The following DPP6 variants were observed in gnomAD, a reference collection of about 807,000 sequenced individuals.
The protein encoded by DPP6 is A-type potassium channel modulatory protein DPP6.
DPP6 carries 69 observed loss-of-function variants against 122.6 expected under a neutral mutation model. The ratio of observed to expected loss-of-function variants is 0.56; its 90% CI spans 0.46 to 0.69. The LOEUF is 0.69. Among genes scored for constraint, DPP6 ranks in the 30% least tolerant of loss-of-function variants. The probability of loss-of-function intolerance (pLI) is 0.00; values close to 1 mark genes in which losing one functional copy is unlikely to be tolerated. For synonymous variants in DPP6, 418 were observed against 433.1 expected, an observed-to-expected ratio of 0.97 and a Z score of 0.43; for missense variants, 928 against 1,116.9, an observed-to-expected ratio of 0.83 and a Z score of 2.41.
At chr7:154,458,618 A>C (rs371114733) in intron 2 of DPP6, among the ~76,000 whole-genome samples, 1 of 152,316 alleles carries the variant, frequency 6.6e-6, no homozygotes, top group Non-Finnish European at 1.5e-5. Flanking sequence ...GAAGCCATCA[A>C]GTTTGTGGTC....
intron 5 of DPP6, among the ~76,000 whole-genome samples, chr7:154,635,667 T>C (rs528700704): frequency 1.8e-4 from 27 of 152,350 alleles, no homozygotes; most frequent in African/African-American, 5.8e-4. Flanking sequence ...TGTGTGGCTC[T>C]GGCTCAGGGT....
Position 154,759,741 on chromosome 7 carries a change from G to A in DPP6, c.884-9676G>A, listed in dbSNP as rs115556635. On this transcript the variant is annotated intron_variant, in intron 8 of 25. Coordinates refer to ENST00000377770, the MANE Select transcript of DPP6 (RefSeq NM_130797.4). ...GCCCCTCTCTGTGTCCAGCCAGATA[G>A]CGTGTCTCCAATCCATGGGGTTGCA... 8.6e-3 allele frequency among the ~76,000 whole-genome samples: 1,305 copies of A among 152,324 alleles called. 11 individuals are homozygous for A. Among genetic ancestry groups the A allele is most frequent in the African/African-American group, 0.029 (1,217 of 41,566 alleles).
intron 1 of DPP6, among the ~76,000 whole-genome samples, chr7:154,005,090 G>T (rs1797857166): frequency 6.6e-6 from 1 of 152,092 alleles, no homozygotes; most frequent in Non-Finnish European, 1.5e-5. Flanking sequence ...AAAAGTAATG[G>T]TAAGCAAGAT....
chr7:154,217,398 G>T (rs1330692120), intron 1 of DPP6, among the ~76,000 whole-genome samples: 2 of 152,178 alleles, frequency 1.3e-5, no homozygotes, highest in Non-Finnish European at 2.9e-5. Flanking sequence ...GGATGGAACA[G>T]AAACTCAAAT....
At chr7:154,379,029 A>T (rs746189796) in intron 1 of DPP6, among the ~76,000 whole-genome samples, 2 of 152,218 alleles carry the variant, frequency 1.3e-5, no homozygotes. Flanking sequence ...GTGGGAACAC[A>T]GAGCCAAAAC....
intron 4 of DPP6, among the ~76,000 whole-genome samples, chr7:154,543,620 T>G (rs1828905782): frequency 6.6e-6 from 1 of 152,198 alleles, no homozygotes. Context: ...TTGACTAAAT[T>G]TACTAATTCA....
chr7:153,877,228 T>G, the DPP6 span, among the ~76,000 whole-genome samples: 1 of 152,166 alleles, frequency 6.6e-6, no homozygotes, highest in Non-Finnish European at 1.5e-5. Flanking sequence ...TATTTGATTC[T>G]TTTGCAATCA....
intron 1 of DPP6, among the ~76,000 whole-genome samples, chr7:154,154,847 CA>C (rs1796603262): frequency 6.6e-6 from 1 of 152,204 alleles, no homozygotes; most frequent in African/African-American, 2.4e-5. Context: ...GTGTCGAGCT[CA>C]CGAATGGTAA....
At chr7:153,818,261 A>C in the DPP6 span, among the ~76,000 whole-genome samples, 1 of 152,152 alleles carries the variant, frequency 6.6e-6, no homozygotes, top group Non-Finnish European at 1.5e-5. Context: ...AGCATGTGAC[A>C]CTGTGATGGG....
chr7:153,803,502 C>T, the DPP6 span, among the ~76,000 whole-genome samples: 7 of 151,944 alleles, frequency 4.6e-5, no homozygotes, highest in Admixed American at 3.9e-4. Flanking sequence ...TCTTCTCTAG[C>T]CCTTGGACTC....
At chr7:153,855,533 A>T in the DPP6 span, among the ~76,000 whole-genome samples, 1 of 152,134 alleles carries the variant, frequency 6.6e-6, no homozygotes, top group Non-Finnish European at 1.5e-5. Context: ...TCATGCATTA[A>T]TTTTGGAAAT....
intron 1 of DPP6, among the ~76,000 whole-genome samples, chr7:154,150,055 C>G (rs991974706): frequency 2.0e-5 from 3 of 152,212 alleles, no homozygotes; most frequent in African/African-American, 7.2e-5. Context: ...CTTGAATCTA[C>G]AGCAAACTGT....
chr7:153,797,180 A>G, the DPP6 span, among the ~76,000 whole-genome samples: 2 of 152,194 alleles, frequency 1.3e-5, no homozygotes, highest in South Asian at 4.1e-4. Context: ...CAGGCTTTCA[A>G]GAGACTCTGA....
At chr7:153,835,818 A>G in the DPP6 span, among the ~76,000 whole-genome samples, 45 of 152,324 alleles carry the variant, frequency 3.0e-4, no homozygotes, top group African/African-American at 1.1e-3. Flanking sequence ...AAAGCTGCTT[A>G]CTGGCCTTTT....
intron 1 of DPP6, among the ~76,000 whole-genome samples, chr7:154,108,611 G>T (rs2150581183): frequency 6.6e-6 from 1 of 152,284 alleles, no homozygotes. Context: ...AAGCTCTTAG[G>T]TCTAACTTTC....
chr7:154,594,289 C>T (rs1832963982), intron 5 of DPP6, among the ~76,000 whole-genome samples: 1 of 152,162 alleles, frequency 6.6e-6, no homozygotes, highest in Non-Finnish European at 1.5e-5. Flanking sequence ...ATGCTATTTC[C>T]AAAACTGCCC....
intron 1 of DPP6, among the ~76,000 whole-genome samples, chr7:154,362,580 A>AT (rs35131020): frequency 0.12 from 16,338 of 133,112 alleles, 971 homozygotes; most frequent in South Asian, 0.14. Flanking sequence ...ATGCCATGCT[A>AT]TTTTTTTTTT....
the DPP6 span, among the ~76,000 whole-genome samples, chr7:153,867,695 G>A: frequency 6.6e-6 from 1 of 152,182 alleles, no homozygotes; most frequent in Non-Finnish European, 1.5e-5. Flanking sequence ...ATGTTGAATA[G>A]GAGTGGTGAG....
At chr7:153,974,842 G>A (rs913949160) in intron 1 of DPP6, among the ~76,000 whole-genome samples, 14 of 152,184 alleles carry the variant, frequency 9.2e-5, no homozygotes, top group African/African-American at 3.4e-4. Flanking sequence ...CAGCCAGAGA[G>A]AGCAGCCCTG....
Sources: gnomAD v4.1 joint callset for allele counts (sites outside exome capture counted in the v4.1 genomes callset) on GRCh38, gnomAD v4.1.1 for gene constraint, MANE v1.5 for transcripts, NCBI Gene and HGNC (gene_info 2026-07-23, HGNC 2026-07-21) for gene names.